Variants in TNS3 observed in about 807,000 individuals in gnomAD.
TNS3 encodes the protein tensin-3.
Under a neutral mutation model 140.9 loss-of-function variants are expected in TNS3, and 45 were observed. The observed-to-expected ratio is 0.32, with a 90% CI of 0.25 to 0.41. TNS3 has a LOEUF of 0.41. Ranked by LOEUF, TNS3 falls within the 10% of genes least tolerant of loss-of-function variation. The pLI is 1.00. For synonymous variants in TNS3, 815 were observed against 788.4 expected (o/e 1.03, Z -0.56); for missense variants, 1,716 against 1,906.7 (o/e 0.90, Z 1.86).
At chr7:47,449,177 T>C (rs1389054569) in intron 4 of TNS3, among the ~76,000 whole-genome samples, 1 of 152,194 alleles carries the variant, frequency 6.6e-6, no homozygotes, top group Admixed American at 6.5e-5. Context: ...CTGGCACGGG[T>C]GCGTATCCTG....
At chr7:47,304,629 T>C (rs936610535) in intron 21 of TNS3, among the ~76,000 whole-genome samples, 1 of 152,176 alleles carries the variant, frequency 6.6e-6, no homozygotes, top group Admixed American at 6.5e-5. Context: ...TTTTCTCGTA[T>C]GTCACCACAT....
At chr7:47,378,737 A>G (rs1223714384) in intron 16 of TNS3, among the ~76,000 whole-genome samples, 6 of 152,266 alleles carry the variant, frequency 3.9e-5, no homozygotes, top group South Asian at 2.1e-4. Flanking sequence ...AGCATGTCCA[A>G]GTTTCATGGG....
At chr7:47,382,670 G>A (rs528832395) in intron 16 of TNS3, among the ~76,000 whole-genome samples, 1 of 151,374 alleles carries the variant, frequency 6.6e-6, no homozygotes, top group East Asian at 1.9e-4. Flanking sequence ...GCACCCCCCA[G>A]TCCCCCACCA....
chr7:47,518,768 A>C (rs962128705), intron 2 of TNS3, among the ~76,000 whole-genome samples: 1 of 152,228 alleles, frequency 6.6e-6, no homozygotes, highest in Non-Finnish European at 1.5e-5. Flanking sequence ...CATGAATCTG[A>C]TCCTCACACA....
chr7:47,470,560 C>G (rs1796908407), intron 4 of TNS3: 5 of 985,288 alleles, frequency 5.1e-6, no homozygotes, highest in African/African-American at 1.7e-5. Context: ...GCCAAAGGTG[C>G]CTTTGGTGCG....
At position 47,400,782 on chromosome 7, in the gene TNS3, C is replaced by T. The variant is rs1423876983; in HGVS notation, c.853+3G>A. 1 of 1,613,928 alleles carries T rather than the reference C, an allele frequency of 6.2e-7. No homozygotes were observed. Among genetic ancestry groups the T allele is most frequent in the East Asian group, 2.2e-5 (1 of 44,872 alleles). ...GCACAGGGCCGCCAGCTCCGCGCCT[C>T]ACCTTTGCTGGCATTGTCCAGATCC... On this transcript the variant is annotated splice_donor_region_variant and intron_variant, in intron 14 of 30. Coordinates refer to ENST00000311160, the MANE Select transcript of TNS3 (RefSeq NM_022748.12).
intron 1 of TNS3, among the ~76,000 whole-genome samples, chr7:47,564,647 A>AC (rs1554357793): frequency 0.017 from 1,230 of 70,534 alleles, 34 homozygotes; most frequent in African/African-American, 0.08. Context: ...AAAAAAAAAA[A>AC]AACAAAAAAA....
At position 47,293,830 on chromosome 7, in the gene TNS3, T is replaced by C; in HGVS notation, c.3677-2A>G. 2 of 1,614,176 alleles carry C rather than the reference T, an allele frequency of 1.2e-6. No homozygotes were observed. Among genetic ancestry groups the C allele is most frequent in the Non-Finnish European group, 1.7e-6 (2 of 1,180,012 alleles). The stretch of plus-strand genomic sequence containing the variant: ...CGAGTTCATTGGCCAAATCTCCAGC[T>C]GTGGCAAGAAATTTAAAGAAAGAAG... On this transcript the variant is annotated splice_acceptor_variant, in intron 24 of 30. Transcript: ENST00000311160. LOFTEE classifies it high-confidence loss of function.
At chr7:47,550,303 A>G (rs1015047023) in intron 1 of TNS3, among the ~76,000 whole-genome samples, 1 of 152,218 alleles carries the variant, frequency 6.6e-6, no homozygotes, top group Non-Finnish European at 1.5e-5. Flanking sequence ...CATGGCCAGC[A>G]ATGTCCACAG....
intron 4 of TNS3, among the ~76,000 whole-genome samples, chr7:47,458,015 T>C (rs1351864184): frequency 1.3e-5 from 2 of 152,204 alleles, no homozygotes; most frequent in East Asian, 3.9e-4. Flanking sequence ...AAAGGAAGTA[T>C]ATCTGCTCAG....
At chr7:47,283,653 C>A in intron 28 of TNS3, 44 bp downstream of exon 28, 1 of 1,489,912 alleles carries the variant, frequency 6.7e-7, no homozygotes, top group Non-Finnish European at 8.9e-7. Flanking sequence ...AACGTGACAG[C>A]CCCGCCCCTG....
intron 1 of TNS3, chr7:47,539,362 C>T (rs1478828623): frequency 2.6e-5 from 9 of 340,476 alleles, no homozygotes; most frequent in African/African-American, 1.3e-4. Flanking sequence ...TAACAAATAT[C>T]GTGCGTGTGA....
intron 1 of TNS3, among the ~76,000 whole-genome samples, chr7:47,559,391 G>A (rs1463229184): frequency 1.3e-5 from 2 of 152,148 alleles, no homozygotes; most frequent in African/African-American, 4.8e-5. Context: ...CAAGACACAT[G>A]TTCAGATTTT....
Position 47,275,792 on chromosome 7 carries a change from T to C in TNS3, c.*2284A>G. 1 of 455,732 alleles carries C rather than the reference T, an allele frequency of 2.2e-6. No homozygotes were observed. The highest frequency in any genetic ancestry group is 4.4e-6 in the Non-Finnish European group (1 of 226,798). The allele number at this position is 455,732 out of a possible 1,614,324, so 28.2% of individuals were successfully genotyped here. On this transcript the variant is annotated 3_prime_UTR_variant, in exon 31 of 31. Transcript: ENST00000311160. The stretch of plus-strand genomic sequence containing the variant: ...GTTTACCTTGTGTAAAAATCACACC[T>C]GGCCAATGAGTTCAAAAAGCACGTT...
intron 1 of TNS3, among the ~76,000 whole-genome samples, chr7:47,570,779 A>C (rs1562862648): frequency 6.6e-6 from 1 of 152,136 alleles, no homozygotes; most frequent in Non-Finnish European, 1.5e-5. Flanking sequence ...AAGTACACGT[A>C]GCTAACTCTA....
At chr7:47,328,220 A>G (rs11766862) in intron 20 of TNS3, among the ~76,000 whole-genome samples, 57,228 of 151,942 alleles carry the variant, frequency 0.38, 10,857 homozygotes, top group South Asian at 0.48. Context: ...AGGGCGGCCG[A>G]GAGAGCTCAG....
chr7:47,433,628 A>C (rs1410110879), intron 8 of TNS3, among the ~76,000 whole-genome samples: 4 of 152,252 alleles, frequency 2.6e-5, no homozygotes, highest in Admixed American at 2.0e-4. Context: ...CAAGTCCAGC[A>C]ACTCCAAGAG....
At chr7:47,543,446 G>A (rs1799844576) in intron 1 of TNS3, among the ~76,000 whole-genome samples, 1 of 152,240 alleles carries the variant, frequency 6.6e-6, no homozygotes, top group African/African-American at 2.4e-5. Context: ...CTGACTTCCA[G>A]TCCCTGCGGT....
chr7:47,343,845 T>C (rs1789161366), intron 20 of TNS3, among the ~76,000 whole-genome samples: 2 of 152,154 alleles, frequency 1.3e-5, no homozygotes, highest in South Asian at 2.1e-4. Context: ...CCTGAAACCA[T>C]AAAGGGAATT....
Sources: gnomAD v4.1 joint callset for allele counts (sites outside exome capture counted in the v4.1 genomes callset) on GRCh38, gnomAD v4.1.1 for gene constraint, MANE v1.5 for transcripts, NCBI Gene and HGNC (gene_info 2026-07-23, HGNC 2026-07-21) for gene names.